VRK3: variants seen among roughly 807,000 people sequenced by gnomAD.
The protein encoded by VRK3 is serine/threonine-protein kinase VRK3.
VRK3 carries 50 observed loss-of-function variants against 60.4 expected under a neutral mutation model. That is an observed-to-expected ratio of 0.83 (90% CI 0.66 to 1.05). VRK3 has a LOEUF of 1.05. VRK3 is among the 50% of genes least tolerant of loss of function. VRK3 has a pLI of 0.00. For missense variants in VRK3, 549 were observed against 585.3 expected (o/e 0.94, Z 0.64); for synonymous variants, 246 against 227.8 (o/e 1.08, Z -0.72).
chr19:50,024,354 C>G (rs2077227122), intron 1 of VRK3, among the ~76,000 whole-genome samples: 1 of 152,206 alleles, frequency 6.6e-6, no homozygotes, highest in African/African-American at 2.4e-5. Context: ...AATAGTCACA[C>G]ATCAGTTCAG....
At chr19:50,000,950 C>T (rs567732094) in intron 5 of VRK3, 96 bp from the exon 6 acceptor site, 4 of 1,223,880 alleles carry the variant, frequency 3.3e-6, no homozygotes, top group Admixed American at 2.3e-5. Context: ...GGCTCTGGTG[C>T]CCTGGTTCCA....
intron 12 of VRK3, among the ~76,000 whole-genome samples, chr19:49,984,064 CCT>C: frequency 1.3e-5 from 2 of 152,206 alleles, no homozygotes; most frequent in South Asian, 2.1e-4. Context: ...GAGTGCAGAC[CCT>C]CTCTGTGAAC....
intron 3 of VRK3, among the ~76,000 whole-genome samples, chr19:50,013,150 G>A (rs955728630): frequency 3.4e-4 from 52 of 152,330 alleles, no homozygotes; most frequent in African/African-American, 1.3e-3. Context: ...CTGGGCGACA[G>A]AGCGAGACTC....
chr19:50,012,951 A>C (rs1322431750), intron 3 of VRK3, among the ~76,000 whole-genome samples: 2 of 152,056 alleles, frequency 1.3e-5, no homozygotes, highest in Non-Finnish European at 2.9e-5. Flanking sequence ...GTGGATCATG[A>C]GGTCAGGAGA....
rs1020399033 is a variant in VRK3 at position 49,994,933 on chromosome 19, G to A, written c.765-14C>T. 1.2e-6 allele frequency: 2 copies of A among 1,611,914 alleles called. No individual in the cohort carries two copies. Among genetic ancestry groups the A allele is most frequent in the African/African-American group, 2.7e-5 (2 of 74,838 alleles). The stretch of plus-strand genomic sequence containing the variant: ...AACACCAAGAACCTGGAAGACACAA[G>A]CACCCCAGGAGGTGGGAGATGAACA... On this transcript the variant is annotated splice_polypyrimidine_tract_variant and intron_variant, in intron 8 of 14. Coordinates refer to ENST00000316763, the MANE Select transcript of VRK3 (RefSeq NM_016440.4).
intron 5 of VRK3, among the ~76,000 whole-genome samples, chr19:50,002,546 G>A (rs1002184286): frequency 8.5e-5 from 13 of 152,100 alleles, no homozygotes; most frequent in African/African-American, 2.9e-4. Flanking sequence ...GTACGTGCCC[G>A]GTACTCAGAG....
chr19:49,979,386 G>T, intron 13 of VRK3, 144 bp from the exon 14 acceptor site: 1 of 1,180,642 alleles, frequency 8.5e-7, no homozygotes, highest in Non-Finnish European at 1.2e-6. Flanking sequence ...CTTGTTGCCT[G>T]GCATTGCCAG....
At chr19:49,995,393 G>A in intron 7 of VRK3, 118 bp from the exon 8 acceptor site, 1 of 856,422 alleles carries the variant, frequency 1.2e-6, no homozygotes, top group South Asian at 1.6e-5. Context: ...CTCCTTGTTG[G>A]AGGTGACAAC....
At chr19:49,981,387 T>C (rs2123003348) in intron 12 of VRK3, among the ~76,000 whole-genome samples, 1 of 151,970 alleles carries the variant, frequency 6.6e-6, no homozygotes, top group South Asian at 2.1e-4. Flanking sequence ...CTACTAAAAA[T>C]ATAAAAAACT....
chr19:50,020,791 G>A (rs541463047), intron 1 of VRK3, 144 bp from the exon 2 acceptor site: 3 of 152,226 alleles, frequency 2.0e-5, no homozygotes, highest in East Asian at 1.9e-4. Flanking sequence ...ACTATTCACC[G>A]AGTTTCCTGT....
chr19:50,014,864 C>G (rs114343540), intron 3 of VRK3, among the ~76,000 whole-genome samples: 2,388 of 152,084 alleles, frequency 0.016, 64 homozygotes, highest in African/African-American at 0.055. Context: ...CTGGTGGCTG[C>G]GTGAAGACGA....
chr19:49,977,591 GC>G (rs1487923682), intron 14 of VRK3, among the ~76,000 whole-genome samples: 2 of 152,126 alleles, frequency 1.3e-5, no homozygotes, highest in Admixed American at 6.5e-5. Flanking sequence ...AGAGTCAGAC[GC>G]GACCCTGCCC....
At position 50,007,837 on chromosome 19, in the gene VRK3, A is replaced by T. The variant is rs755122195; in HGVS notation, c.290-11T>A. 9 of 1,613,772 alleles carry T rather than the reference A, an allele frequency of 5.6e-6. 1 individual carries two copies. The Admixed American group carries it at 1.5e-4, about 27-fold the overall frequency. On this transcript the variant is annotated splice_polypyrimidine_tract_variant and intron_variant, in intron 4 of 14. Coordinates refer to ENST00000316763, the MANE Select transcript of VRK3 (RefSeq NM_016440.4). ...GTCTGCTCCCGGAGCCTGCAGGAGGATGTAAGAATAAAGTAAAAGCACCAT... is the reference window on the plus strand; with the variant it reads ...GTCTGCTCCCGGAGCCTGCAGGAGGTTGTAAGAATAAAGTAAAAGCACCAT...
chr19:50,009,208 G>A, intron 4 of VRK3, 28 bp downstream of exon 4: 1 of 1,608,390 alleles, frequency 6.2e-7, no homozygotes, highest in African/African-American at 1.3e-5. Context: ...CCACTTAAGA[G>A]TCAGGCCAGA....
At chr19:50,023,180 GT>G (rs1453396918) in intron 1 of VRK3, among the ~76,000 whole-genome samples, 4 of 152,080 alleles carry the variant, frequency 2.6e-5, no homozygotes, top group Non-Finnish European at 5.9e-5. Context: ...CGATTTTACT[GT>G]GTTTTTTCTT....
At position 50,015,940 on chromosome 19, in the gene VRK3, G is replaced by T. The variant is rs981643922; in HGVS notation, c.139+84C>A. On this transcript the variant is annotated intron_variant, in intron 3 of 14. Transcript: ENST00000316763. ...GTGTCAGGACAGGGTCAGACAGGCT[G>T]CAAAGGCATCCTCCCTCCGCAGACA... 1.5e-5 allele frequency: 24 copies of T among 1,582,330 alleles called. No homozygotes were observed. The African/African-American group carries it at 3.2e-4, about 21-fold the overall frequency.
At chr19:50,002,015 G>A (rs931433181) in intron 5 of VRK3, among the ~76,000 whole-genome samples, 2 of 152,150 alleles carry the variant, frequency 1.3e-5, no homozygotes, top group African/African-American at 2.4e-5. Context: ...TGCTCCACAG[G>A]TGGTGGCCTT....
At chr19:50,020,913 C>A (rs1401837808) in intron 1 of VRK3, among the ~76,000 whole-genome samples, 1 of 152,126 alleles carries the variant, frequency 6.6e-6, no homozygotes, top group Non-Finnish European at 1.5e-5. Context: ...AGCAAGGAAC[C>A]GCTGAACAGG....
At chr19:50,012,553 G>C (rs994181072) in intron 3 of VRK3, among the ~76,000 whole-genome samples, 1 of 152,154 alleles carries the variant, frequency 6.6e-6, no homozygotes. Context: ...CTGATGGAGT[G>C]AATAATGAAC....
Sources: allele counts gnomAD v4.1 joint callset (sites outside exome capture counted in the v4.1 genomes callset), GRCh38; gene constraint gnomAD v4.1.1; transcripts MANE v1.5; gene names NCBI Gene and HGNC (gene_info 2026-07-23, HGNC 2026-07-21).